RGS7: variants seen among roughly 807,000 people sequenced by gnomAD.
The protein encoded by RGS7 is regulator of G protein signaling 7, also known as regulator of G-protein signaling 7.
A neutral mutation model predicts 81.1 loss-of-function variants in RGS7; 27 were observed. The observed-to-expected ratio is 0.33, with a 90% CI of 0.25 to 0.46. RGS7 has a LOEUF of 0.46. RGS7 is among the 20% of genes least tolerant of loss of function. The pLI is 1.00. For missense variants in RGS7, 396 were observed against 607.4 expected, an observed-to-expected ratio of 0.65 and a Z score of 3.66; for synonymous variants, 208 against 207.7, an observed-to-expected ratio of 1.00 and a Z score of -0.01.
At chr1:241,351,862 G>A (rs145091569) in intron 2 of RGS7, among the ~76,000 whole-genome samples, 1 of 152,146 alleles carries the variant, frequency 6.6e-6, no homozygotes, top group South Asian at 2.1e-4. Context: ...CTGACAGCTT[G>A]AGCATAAATG....
chr1:240,816,280 G>T, intron 11 of RGS7, 37 bp downstream of exon 11: 1 of 1,340,530 alleles, frequency 7.5e-7, no homozygotes, highest in Non-Finnish European at 1.1e-6. Flanking sequence ...CTGTTACTCT[G>T]TAAACCTTTA....
At chr1:241,273,265 A>C (rs1177647442) in intron 2 of RGS7, among the ~76,000 whole-genome samples, 1 of 141,320 alleles carries the variant, frequency 7.1e-6, no homozygotes, top group East Asian at 2.2e-4. Context: ...GTCTAGCTTT[A>C]GTTAGATTCA....
At chr1:241,089,047 CTCTCTCTCTCTCTCTCTATATATATA>C (rs1558700253) in intron 3 of RGS7, among the ~76,000 whole-genome samples, 1 of 52,798 alleles carries the variant, frequency 1.9e-5, no homozygotes, top group Admixed American at 2.0e-4. Context: ...CTCTCTCTCT[CTCTCTCTCTCTCTCTCTATATATATA>C]TATATATATA....
At chr1:241,197,957 C>A (rs965532764) in intron 2 of RGS7, among the ~76,000 whole-genome samples, 5 of 151,666 alleles carry the variant, frequency 3.3e-5, no homozygotes, top group Admixed American at 6.6e-5. Context: ...ATCTATCTAT[C>A]TATCTGTCTA....
At chr1:240,837,646 C>T (rs1694935784) in intron 9 of RGS7, among the ~76,000 whole-genome samples, 1 of 152,132 alleles carries the variant, frequency 6.6e-6, no homozygotes, top group African/African-American at 2.4e-5. Flanking sequence ...GAAATTAAGA[C>T]ATGAAATCTA....
At chr1:241,231,279 T>C (rs2075647651) in intron 2 of RGS7, among the ~76,000 whole-genome samples, 1 of 152,200 alleles carries the variant, frequency 6.6e-6, no homozygotes, top group Non-Finnish European at 1.5e-5. Context: ...TTTGATGACA[T>C]AGAATAGTCT....
intron 2 of RGS7, among the ~76,000 whole-genome samples, chr1:241,350,635 C>T (rs900926000): frequency 6.7e-6 from 1 of 149,934 alleles, no homozygotes; most frequent in Non-Finnish European, 1.5e-5. Context: ...CAACTGGGCA[C>T]GGTGGTGCAT....
chr1:241,254,227 A>G (rs534906548), intron 2 of RGS7, among the ~76,000 whole-genome samples: 2 of 151,934 alleles, frequency 1.3e-5, no homozygotes, highest in African/African-American at 4.8e-5. Context: ...GAAAGAAAGA[A>G]ATTAGTGGTG....
chr1:241,259,667 A>AAAAAAAAAAAAAAAAAAAAAAAATATAT, intron 2 of RGS7, among the ~76,000 whole-genome samples: 3 of 49,146 alleles, frequency 6.1e-5, no homozygotes, highest in African/African-American at 8.0e-5. Context: ...AAAAAAAAAA[A>AAAAAAAAAAAAAAAAAAAAAAAATATAT]ATATATATAT....
At chr1:241,049,297 T>C (rs924422824) in intron 3 of RGS7, among the ~76,000 whole-genome samples, 1 of 152,240 alleles carries the variant, frequency 6.6e-6, no homozygotes, top group Non-Finnish European at 1.5e-5. Context: ...TGGACATTAC[T>C]GGTGTTATCT....
chr1:241,354,103 C>G (rs1161032756), intron 2 of RGS7, among the ~76,000 whole-genome samples: 1 of 152,062 alleles, frequency 6.6e-6, no homozygotes, highest in African/African-American at 2.4e-5. Flanking sequence ...AATTTTCCAA[C>G]CAAAAGTCTA....
intron 2 of RGS7, among the ~76,000 whole-genome samples, chr1:241,134,639 A>T (rs2103055345): frequency 6.6e-6 from 1 of 152,312 alleles, no homozygotes; most frequent in East Asian, 1.9e-4. Flanking sequence ...TAAAAGGCCC[A>T]CGAGGGAAAG....
chr1:240,913,286 A>T (rs529238888), intron 6 of RGS7, among the ~76,000 whole-genome samples: 3 of 152,356 alleles, frequency 2.0e-5, no homozygotes, highest in Non-Finnish European at 4.4e-5. Context: ...ATGCACGAGC[A>T]TTATTCATAT....
intron 4 of RGS7, among the ~76,000 whole-genome samples, chr1:240,942,043 C>G (rs538610770): frequency 6.6e-6 from 1 of 152,050 alleles, no homozygotes; most frequent in South Asian, 2.1e-4. Context: ...AGCTGAGAAA[C>G]AAAAATCAAT....
rs138506883 is a variant in RGS7, at chr1:240,814,726, C to T, written c.835G>A (p.Val279Ile). The T allele has an allele frequency of 1.5e-5, 24 of 1,596,490 alleles. No homozygotes were observed. The highest frequency in any genetic ancestry group is 3.3e-5 in the Admixed American group (2 of 59,992). The change falls in exon 12 of 19, where the codon GTC (valine) becomes ATC (isoleucine). Residue 279 changes from valine to isoleucine, a missense_variant. Transcript: ENST00000440928. ...CTTTGAAATACTCACCTGTCAGCGA[C>T]TTTTGACATTTTTAACCGATGTCTA... ...LDRHRLKMSK[V>I]ADSLLSYTEQ...
downstream of RGS7, among the ~76,000 whole-genome samples, chr1:240,774,915 A>C (rs1682762276): frequency 6.6e-6 from 1 of 152,230 alleles, no homozygotes; most frequent in Non-Finnish European, 1.5e-5. Flanking sequence ...ACATTGTATC[A>C]GATATTACAA....
At chr1:240,932,995 T>A (rs1403354655) in intron 5 of RGS7, among the ~76,000 whole-genome samples, 2 of 144,900 alleles carry the variant, frequency 1.4e-5, no homozygotes, top group Admixed American at 1.4e-4. Flanking sequence ...GCCATTCTCC[T>A]GCCTCAGCCT....
At chr1:240,806,111 T>C (rs367859553) in intron 15 of RGS7, 29 bp downstream of exon 15, 36 of 1,601,498 alleles carry the variant, frequency 2.2e-5, no homozygotes, top group Non-Finnish European at 2.8e-5. Context: ...GGAAGCACGT[T>C]TGTGGTGTGA....
chr1:240,850,829 G>A (rs1489941518), intron 9 of RGS7, among the ~76,000 whole-genome samples: 3 of 152,284 alleles, frequency 2.0e-5, no homozygotes, highest in East Asian at 3.9e-4. Flanking sequence ...GAAGACCAAA[G>A]CAGCCAAAAC....
Sources: allele counts gnomAD v4.1 joint callset (sites outside exome capture counted in the v4.1 genomes callset), GRCh38; gene constraint gnomAD v4.1.1; transcripts MANE v1.5; gene names NCBI Gene and HGNC (gene_info 2026-07-23, HGNC 2026-07-21).